ZNF664: variants seen among roughly 807,000 people sequenced by gnomAD.
The protein encoded by ZNF664 is zinc finger protein 664.
In ZNF664, 10 loss-of-function variants were observed where a neutral mutation model predicts 18.2. The ratio of observed to expected loss-of-function variants is 0.55; its 90% CI spans 0.34 to 0.93. The LOEUF (loss-of-function observed/expected upper bound fraction) is 0.93, where lower values mean the gene tolerates loss of function less well. Ranked by LOEUF, ZNF664 falls within the 40% of genes least tolerant of loss-of-function variation. The pLI, the probability that ZNF664 is intolerant of heterozygous loss-of-function variation, is 0.02. For synonymous variants in ZNF664, 119 were observed against 104.2 expected, an observed-to-expected ratio of 1.14 and a Z score of -0.86; for missense variants, 193 against 319.0, an observed-to-expected ratio of 0.61 and a Z score of 3.01.
Position 123,988,087 on chromosome 12 carries a change from G to T in ZNF664, c.-712G>T. The T allele has an allele frequency of 8.1e-7, 1 of 1,231,538 alleles. No individual in the cohort carries two copies. The highest frequency in any genetic ancestry group is 1.0e-6 in the Non-Finnish European group (1 of 987,872). The allele number at this position is 1,231,538 out of a possible 1,614,324, so 76.3% of individuals were successfully genotyped here. On this transcript the variant is annotated 5_prime_UTR_variant, in exon 3 of 5. Coordinates refer to ENST00000337815, the MANE Select transcript of ZNF664 (RefSeq NM_152437.3). ...TAGTCCTTCAGCCACTGTGGGCCCT[G>T]CCTCTGCCTGTTCTTCTGGAATGTC...
In ZNF664 at chr12:124,012,092, G is replaced by A; in HGVS notation, c.-53G>A. On this transcript the variant is annotated 5_prime_UTR_variant, in exon 5 of 5. Transcript: ENST00000337815. ...TCTATGAAATAACAGTCTTGTAACT[G>A]TAGTAATCATAAGGAAATTTTCTCC... 1.3e-6 allele frequency: 2 copies of A among 1,554,564 alleles called. No homozygotes were observed. The highest frequency in any genetic ancestry group is 8.6e-7 in the Non-Finnish European group (1 of 1,158,636).
At chr12:123,984,846 A>G (rs1956805655) in intron 2 of ZNF664, among the ~76,000 whole-genome samples, 1 of 152,122 alleles carries the variant, frequency 6.6e-6, no homozygotes, top group African/African-American at 2.4e-5. Flanking sequence ...CCAGCCAAGC[A>G]GGTAGTTGAG....
intron 3 of ZNF664, among the ~76,000 whole-genome samples, chr12:124,006,633 G>T (rs1279961339): frequency 7.9e-5 from 12 of 152,202 alleles, no homozygotes; most frequent in African/African-American, 2.9e-4. Context: ...GAGAGGAAAG[G>T]CTCCTTTTCA....
Position 124,012,193 on chromosome 12 carries a change from G to C in ZNF664, c.49G>C (p.Asp17His). Residue 17 changes from aspartate (D) to histidine (H), a missense_variant, in exon 5 of 5, where the codon GAT (aspartate) becomes CAT (histidine). Transcript: ENST00000337815. ...MCREFFSERA[D>H]LFMHQKIHTA... ...TAGGGAATTTTTCTCTGAGAGAGCA[G>C]ATCTTTTTATGCATCAGAAAATTCA... 6.2e-7 allele frequency: 1 copy of C among 1,613,582 alleles called. No homozygotes were observed. Among genetic ancestry groups the C allele is most frequent in the Non-Finnish European group, 8.5e-7 (1 of 1,179,920 alleles).
rs568872443 is a variant in ZNF664, at chr12:123,979,251, T to G, written c.-757+5231T>G. Reference sequence around the variant, plus strand: ...TAAAGAATAAATAGAATTAACAAATTAGGTAATGAATTGAGGATATGAATA... The same window carrying G: ...TAAAGAATAAATAGAATTAACAAATGAGGTAATGAATTGAGGATATGAATA... On this transcript the variant is annotated intron_variant, in intron 2 of 4. Coordinates refer to ENST00000337815, the MANE Select transcript of ZNF664 (RefSeq NM_152437.3). Among the ~76,000 whole-genome samples the G allele has an allele frequency of 3.3e-5, 5 of 152,314 alleles. 1 individual carries two copies. The highest frequency in any genetic ancestry group is 9.6e-5 in the African/African-American group (4 of 41,572).
At chr12:124,009,911 T>C (rs1345751026) in intron 3 of ZNF664, among the ~76,000 whole-genome samples, 2 of 151,110 alleles carry the variant, frequency 1.3e-5, no homozygotes, top group Non-Finnish European at 2.9e-5. Context: ...AACTTAACAG[T>C]GTGACCTGGG....
chr12:124,004,081 G>T (rs1277950942), intron 3 of ZNF664, among the ~76,000 whole-genome samples: 1 of 152,204 alleles, frequency 6.6e-6, no homozygotes, highest in Non-Finnish European at 1.5e-5. Context: ...CCTACTGCAT[G>T]AAGTTCCTGG....
chr12:123,991,959 C>CT (rs1387844862), intron 3 of ZNF664, among the ~76,000 whole-genome samples: 1 of 152,220 alleles, frequency 6.6e-6, no homozygotes, highest in African/African-American at 2.4e-5. Flanking sequence ...GACACAGCTT[C>CT]TTTTGTCTTT....
intron 3 of ZNF664, among the ~76,000 whole-genome samples, chr12:123,994,934 A>T (rs1173735104): frequency 6.6e-6 from 1 of 152,224 alleles, no homozygotes; most frequent in African/African-American, 2.4e-5. Context: ...GATCTAGATC[A>T]GTGGGTGCTT....
intron 1 of ZNF664, 173 bp from the exon 2 acceptor site, chr12:123,973,713 T>G: frequency 8.5e-4 from 845 of 989,964 alleles, no homozygotes; most frequent in South Asian, 1.1e-3. Flanking sequence ...CCAGGCTCCA[T>G]TGTTGTTGGA....
Position 124,014,309 on chromosome 12 carries a change from G to C in ZNF664, c.*1379G>C, listed in dbSNP as rs564988041. 1 of 167,126 alleles carries C rather than the reference G, an allele frequency of 6.0e-6. No individual in the cohort carries two copies. Among genetic ancestry groups the C allele is most frequent in the African/African-American group, 2.4e-5 (1 of 41,430 alleles). 10.4% of individuals were successfully genotyped at this position (167,126 alleles called of 1,614,324 possible). A position where few individuals can be genotyped will look rare whatever the true frequency, so the allele number is the denominator to read the frequency against. ...AGGCTGCTCTGGGGGATGAGCTGGT[G>C]CGTTTAAGGAACAGGCCAGCACTGG... is the stretch of plus-strand genomic sequence containing the variant. On this transcript the variant is annotated 3_prime_UTR_variant, in exon 5 of 5. Coordinates refer to ENST00000337815, the MANE Select transcript of ZNF664 (RefSeq NM_152437.3).
rs1008778207 is a variant in ZNF664 at position 124,013,716 on chromosome 12, G to C, written c.*786G>C. ...GAATGTAAATAGCAGGGAGGAAGAA[G>C]CAAGCAAAGTGAGAGCTTTTCTTCA... On this transcript the variant is annotated 3_prime_UTR_variant, in exon 5 of 5. Coordinates refer to ENST00000337815, the MANE Select transcript of ZNF664 (RefSeq NM_152437.3). 2 of 167,140 alleles carry C rather than the reference G, an allele frequency of 1.2e-5. No homozygotes were observed. Among genetic ancestry groups the C allele is most frequent in the Non-Finnish European group, 2.9e-5 (2 of 68,152 alleles). 10.4% of individuals were successfully genotyped at this position (167,140 alleles called of 1,614,324 possible).
intron 2 of ZNF664, among the ~76,000 whole-genome samples, chr12:123,984,871 C>T (rs2138350676): frequency 6.6e-6 from 1 of 152,098 alleles, no homozygotes; most frequent in South Asian, 2.1e-4. Context: ...AAAATGGAGA[C>T]AGGACATACT....
At chr12:123,980,270 T>C (rs1263504819) in intron 2 of ZNF664, among the ~76,000 whole-genome samples, 6 of 152,186 alleles carry the variant, frequency 3.9e-5, no homozygotes, top group African/African-American at 1.4e-4. Flanking sequence ...TTTTTTACAA[T>C]GGGCATTTAC....
rs1957152297 is a variant in ZNF664, at chr12:124,013,150, A to G, written c.*220A>G. ...TGAGCATCCACGCAGGATGGCTCTC[A>G]GGTCCCAGTCACAGACGTCGCTTCC... On this transcript the variant is annotated 3_prime_UTR_variant, in exon 5 of 5. Coordinates refer to ENST00000337815, the MANE Select transcript of ZNF664 (RefSeq NM_152437.3). The G allele has an allele frequency of 3.1e-6, 2 of 637,252 alleles. No homozygotes were observed. Among genetic ancestry groups the G allele is most frequent in the Non-Finnish European group, 2.7e-6 (1 of 376,578 alleles). The allele number at this position is 637,252 out of a possible 1,614,324, so 39.5% of individuals were successfully genotyped here.
At chr12:124,007,120 G>T (rs996812189) in intron 3 of ZNF664, among the ~76,000 whole-genome samples, 1 of 152,092 alleles carries the variant, frequency 6.6e-6, no homozygotes, top group Admixed American at 6.6e-5. Context: ...AAAATTTGCC[G>T]GAGTTTCTTT....
intron 3 of ZNF664, among the ~76,000 whole-genome samples, chr12:123,996,841 G>A (rs1956954037): frequency 6.6e-6 from 1 of 152,134 alleles, no homozygotes; most frequent in African/African-American, 2.4e-5. Flanking sequence ...AGTAGGCTGG[G>A]TGCCCCATGT....
intron 2 of ZNF664, among the ~76,000 whole-genome samples, chr12:123,981,767 G>A (rs1416577901): frequency 6.6e-6 from 1 of 152,190 alleles, no homozygotes; most frequent in Non-Finnish European, 1.5e-5. Context: ...GATTTACAAA[G>A]AATAATTTTA....
intron 3 of ZNF664, among the ~76,000 whole-genome samples, chr12:124,009,988 C>T (rs562770249): frequency 2.6e-5 from 4 of 151,732 alleles, no homozygotes; most frequent in South Asian, 2.1e-4. Flanking sequence ...GTGCCATACT[C>T]GACTCGGCTA....
Sources: gnomAD v4.1 joint callset for allele counts (sites outside exome capture counted in the v4.1 genomes callset) on GRCh38, gnomAD v4.1.1 for gene constraint, MANE v1.5 for transcripts, NCBI Gene and HGNC (gene_info 2026-07-23, HGNC 2026-07-21) for gene names.